The following CEP164 variants were observed in gnomAD, a reference collection of about 807,000 sequenced individuals.
CEP164 encodes the protein centrosomal protein of 164 kDa.
In CEP164, 162 loss-of-function variants were observed where a neutral mutation model predicts 182.7. The observed-to-expected ratio is 0.89, with a 90% CI of 0.78 to 1.01. CEP164 has a LOEUF of 1.01. CEP164 is among the 50% of genes least tolerant of loss of function. CEP164 has a pLI of 0.00. For synonymous variants in CEP164, 661 were observed against 690.0 expected (o/e 0.96, Z 0.66); for missense variants, 1,735 against 1,790.4 (o/e 0.97, Z 0.56).
chr11:117,381,466 C>T (rs2043306968), intron 12 of CEP164, among the ~76,000 whole-genome samples: 2 of 152,046 alleles, frequency 1.3e-5, no homozygotes, highest in South Asian at 4.1e-4. Context: ...GTATAGGGAC[C>T]CCTGTGGAGC....
At chr11:117,321,853 C>A (rs1282178618) in intron 1 of CEP164, among the ~76,000 whole-genome samples, 3 of 116,916 alleles carry the variant, frequency 2.6e-5, no homozygotes, top group Non-Finnish European at 5.1e-5. Context: ...CACCATCAAG[C>A]CTGGTTAAAT....
intron 15 of CEP164, 110 bp downstream of exon 15, chr11:117,387,522 C>A: frequency 9.4e-7 from 1 of 1,059,682 alleles, no homozygotes; most frequent in Non-Finnish European, 1.4e-6. Context: ...TCTACTAAGA[C>A]CAACTAAAGT....
chr11:117,363,046 G>A (rs772036595), intron 7 of CEP164, among the ~76,000 whole-genome samples: 2 of 152,134 alleles, frequency 1.3e-5, no homozygotes, highest in Admixed American at 6.5e-5. Context: ...GCCACATTTT[G>A]TTTATCTACT....
chr11:117,407,457 C>CAAAAAAAAAAAAAAAA (rs1232486465), intron 27 of CEP164, among the ~76,000 whole-genome samples: 1 of 68,984 alleles, frequency 1.4e-5, no homozygotes, highest in African/African-American at 5.2e-5. Flanking sequence ...TCTGTCTCTA[C>CAAAAAAAAAAAAAAAA]AAAAAAAAAA....
At position 117,394,494 on chromosome 11, in the gene CEP164, G is replaced by T. The variant is rs1269878493; in HGVS notation, c.2760+1G>T. On this transcript the variant is annotated splice_donor_variant, in intron 21 of 32. Transcript: ENST00000278935. LOFTEE classifies it high-confidence loss of function. This position sits in a 1 kb window ranked among gnomAD's most constrained non-coding sequence, Gnocchi z 4.0. The stretch of plus-strand genomic sequence containing the variant: ...CTTGCGGCGCCGGCACAGGGAGCAG[G>T]TGAGGGGCCTGGGGCAGGGTGAGCC... The T allele has an allele frequency of 6.8e-6, 11 of 1,613,486 alleles. No homozygotes were observed. Among genetic ancestry groups the T allele is most frequent in the Non-Finnish European group, 7.6e-6 (9 of 1,179,974 alleles).
rs1298190991 is a variant in CEP164 at position 117,392,703 on chromosome 11, C to T, written c.2493+76C>T. The T allele has an allele frequency of 3.9e-6, 6 of 1,548,604 alleles. No individual in the cohort carries two copies. In the South Asian group the frequency reaches 6.1e-5, roughly 16 times the overall value. ...TTACAGTCAGCTGAGCCGGCCTAGC[C>T]TCAGCGGCCTCCAGTTTGCTTTGGA... On this transcript the variant is annotated intron_variant, in intron 19 of 32. Transcript: ENST00000278935.
rs151275902 is a variant in CEP164 at position 117,406,338 on chromosome 11, A to G, written c.3502-1587A>G. ...CCATCAGATCTCGTGAGACTTATTC[A>G]CTATCACAAGAACAGTATGGGGGAA... On this transcript the variant is annotated intron_variant, in intron 27 of 32. Transcript: ENST00000278935. Among the ~76,000 whole-genome samples, 364 of 152,306 alleles carry G rather than the reference A, an allele frequency of 2.4e-3. 14 individuals are homozygous for G. In the South Asian group the frequency reaches 0.048, roughly 20 times the overall value.
upstream of CEP164, among the ~76,000 whole-genome samples, chr11:117,324,534 A>G (rs1029178978): frequency 6.6e-6 from 1 of 152,118 alleles, no homozygotes; most frequent in Non-Finnish European, 1.5e-5. Context: ...CATTTTATAA[A>G]TTGGCTTGCA....
intron 30 of CEP164, 62 bp downstream of exon 30, chr11:117,410,027 T>A: frequency 7.0e-7 from 1 of 1,430,852 alleles, no homozygotes; most frequent in Non-Finnish European, 9.9e-7. Context: ...TCCTTCCTTT[T>A]CTTCTACCCT....
At chr11:117,349,075 T>G (rs1592077689) in intron 4 of CEP164, among the ~76,000 whole-genome samples, 1 of 152,100 alleles carries the variant, frequency 6.6e-6, no homozygotes, top group South Asian at 2.1e-4. Flanking sequence ...CAGGCTGGAG[T>G]GCAGTGGTGC....
chr11:117,405,124 T>A (rs556711958), intron 27 of CEP164, among the ~76,000 whole-genome samples: 6 of 152,310 alleles, frequency 3.9e-5, no homozygotes, highest in African/African-American at 1.4e-4. Context: ...CTAGACCACT[T>A]AGCTCCCTGG....
At chr11:117,369,040 A>C (rs999026407) in intron 8 of CEP164, among the ~76,000 whole-genome samples, 2 of 152,220 alleles carry the variant, frequency 1.3e-5, no homozygotes, top group Non-Finnish European at 2.9e-5. Flanking sequence ...GCTCATAACC[A>C]AAGCCATTGG....
intron 17 of CEP164, among the ~76,000 whole-genome samples, chr11:117,391,570 A>G (rs1458636912): frequency 6.6e-6 from 1 of 151,892 alleles, no homozygotes; most frequent in African/African-American, 2.4e-5. Context: ...ACTGAAAGAG[A>G]TTTAGCCAGA....
chr11:117,355,334 C>T, intron 5 of CEP164: 1 of 1,289,856 alleles, frequency 7.8e-7, no homozygotes, highest in Non-Finnish European at 1.0e-6. Flanking sequence ...AAGCAGGCAG[C>T]AGAAACTGGG....
chr11:117,362,059 A>C, intron 6 of CEP164, 66 bp downstream of exon 6: 4 of 1,405,124 alleles, frequency 2.8e-6, no homozygotes, highest in Non-Finnish European at 3.9e-6. Context: ...CCATACCAGG[A>C]ACTATGGCCT....
intron 22 of CEP164, 45 bp downstream of exon 22, chr11:117,395,048 C>A (rs923716484): frequency 1.9e-6 from 3 of 1,612,642 alleles, no homozygotes; most frequent in South Asian, 1.1e-5. Flanking sequence ...CATAGCTTCT[C>A]TAGCAGAGGG....
In CEP164 at chr11:117,378,360, C is replaced by CT. The variant is rs201735875; in HGVS notation, c.1318-2248dup. ...TAAGCATATATCTATTTTCTCTTAT[C>CT]TTTTTTCTTCCCATAAAAATTGGGA... On this transcript the variant is annotated intron_variant, in intron 11 of 32. Coordinates refer to ENST00000278935, the MANE Select transcript of CEP164 (RefSeq NM_014956.5). Among the ~76,000 whole-genome samples the CT allele has an allele frequency of 7.0e-3, 1,073 of 152,206 alleles. 23 individuals carry two copies. Among genetic ancestry groups the CT allele is most frequent in the African/African-American group, 0.023 (952 of 41,516 alleles).
intron 5 of CEP164, among the ~76,000 whole-genome samples, chr11:117,354,060 A>G (rs1392996323): frequency 6.7e-6 from 1 of 148,356 alleles, no homozygotes; most frequent in Non-Finnish European, 1.5e-5. Context: ...TTTGTTGCCC[A>G]GGCTGGAGTG....
chr11:117,383,359 T>C lies in CEP164; in HGVS notation c.1724+417T>C, dbSNP rs2043559376. Among the ~76,000 whole-genome samples, 4 of 152,214 alleles carry C rather than the reference T, an allele frequency of 2.6e-5. No homozygotes were observed. In the South Asian group the frequency reaches 8.3e-4, roughly 31 times the overall value. On this transcript the variant is annotated intron_variant, in intron 14 of 32. Coordinates refer to ENST00000278935, the MANE Select transcript of CEP164 (RefSeq NM_014956.5). The stretch of plus-strand genomic sequence containing the variant: ...GTTTGCATCTGTGCACACTGTATAA[T>C]GGCCACTCAAACAGGGAATGTCTCC...
Sources: allele counts gnomAD v4.1 joint callset (sites outside exome capture counted in the v4.1 genomes callset), GRCh38; gene constraint gnomAD v4.1.1; non-coding constraint Gnocchi (gnomAD v3.1); transcripts MANE v1.5; gene names NCBI Gene and HGNC (gene_info 2026-07-23, HGNC 2026-07-21).